The following FBXL2 variants were observed in gnomAD, a reference collection of about 807,000 sequenced individuals.
FBXL2 encodes F-box/LRR-repeat protein 2.
Under a neutral mutation model 69.2 loss-of-function variants are expected in FBXL2, and 38 were observed. The observed-to-expected ratio is 0.55, with a 90% CI of 0.42 to 0.72. The LOEUF is 0.72. Ranked by LOEUF, FBXL2 falls within the 30% of genes least tolerant of loss-of-function variation. The probability of loss-of-function intolerance (pLI) is 0.00; values close to 1 mark genes in which losing one functional copy is unlikely to be tolerated. For synonymous variants in FBXL2, 192 were observed against 201.3 expected (o/e 0.95, Z 0.39); for missense variants, 354 against 520.3 (o/e 0.68, Z 3.11).
At chr3:33,331,478 C>T (rs998475548) in intron 2 of FBXL2, among the ~76,000 whole-genome samples, 22 of 152,110 alleles carry the variant, frequency 1.4e-4, no homozygotes, top group Non-Finnish European at 2.5e-4. Flanking sequence ...TCCCCCTGTT[C>T]TTCTTAAACA....
At chr3:33,338,214 C>G (rs2125846944) in intron 2 of FBXL2, among the ~76,000 whole-genome samples, 1 of 152,206 alleles carries the variant, frequency 6.6e-6, no homozygotes, top group Non-Finnish European at 1.5e-5. Context: ...GAGTTCAAGA[C>G]CAGCCTGGCC....
chr3:33,277,199 T>A (rs1575563845), upstream of FBXL2: 9 of 306,116 alleles, frequency 2.9e-5, no homozygotes, highest in Non-Finnish European at 4.6e-5. Flanking sequence ...AAAAAAAAAA[T>A]CCATGGTCTC....
At chr3:33,379,656 T>C (rs1321389260) in intron 13 of FBXL2, among the ~76,000 whole-genome samples, 1 of 149,156 alleles carries the variant, frequency 6.7e-6, no homozygotes, top group African/African-American at 2.5e-5. Flanking sequence ...AATACCCTGT[T>C]ATCAAAACCA....
chr3:33,311,549 CT>C (rs1404997574), intron 2 of FBXL2, among the ~76,000 whole-genome samples: 2 of 151,898 alleles, frequency 1.3e-5, no homozygotes, highest in Non-Finnish European at 2.9e-5. Flanking sequence ...CTTTATTCTG[CT>C]TGATCAAGTC....
At chr3:33,358,627 C>G (rs141436945) in intron 2 of FBXL2, among the ~76,000 whole-genome samples, 7 of 152,306 alleles carry the variant, frequency 4.6e-5, no homozygotes, top group African/African-American at 1.7e-4. Context: ...TGAGCCTGTT[C>G]AGTGCATCTA....
At chr3:33,320,679 C>T (rs761422724) in intron 2 of FBXL2, among the ~76,000 whole-genome samples, 2 of 151,926 alleles carry the variant, frequency 1.3e-5, no homozygotes, top group Non-Finnish European at 2.9e-5. Context: ...CGGGGTTTCA[C>T]CATGTTGGTC....
intron 2 of FBXL2, among the ~76,000 whole-genome samples, chr3:33,308,689 A>G (rs1160549584): frequency 6.6e-6 from 1 of 152,026 alleles, no homozygotes; most frequent in Non-Finnish European, 1.5e-5. Flanking sequence ...ATTTTTTGAG[A>G]TCTTTCTTCT....
At chr3:33,421,847 G>A in the FBXL2 span, among the ~76,000 whole-genome samples, 62 of 152,036 alleles carry the variant, frequency 4.1e-4, no homozygotes, top group East Asian at 0.011. Context: ...CCAGGAGTTC[G>A]AGCCTGACCA....
chr3:33,316,929 T>G (rs12489049), intron 2 of FBXL2, among the ~76,000 whole-genome samples: 20,118 of 151,904 alleles, frequency 0.13, 1,449 homozygotes, highest in African/African-American at 0.18. Context: ...TGAGACAAGA[T>G]CTCACTCTGT....
intron 12 of FBXL2, chr3:33,401,145 A>T: frequency 1.3e-6 from 1 of 774,738 alleles, no homozygotes; most frequent in East Asian, 3.2e-5. Context: ...GACAGCTATG[A>T]AAGTCTGCAA....
chr3:33,337,075 T>G (rs1340961169), intron 2 of FBXL2, among the ~76,000 whole-genome samples: 2 of 151,602 alleles, frequency 1.3e-5, no homozygotes, highest in Non-Finnish European at 2.9e-5. Context: ...CGTGGCGGCG[T>G]GTGCCTGTAG....
At chr3:33,377,243 T>C in intron 10 of FBXL2, 30 bp from the exon 11 acceptor site, 1 of 1,604,720 alleles carries the variant, frequency 6.2e-7, no homozygotes, top group Non-Finnish European at 8.5e-7. Flanking sequence ...GTTGGTACCG[T>C]TTTCTCCCCT....
chr3:33,369,909 G>C (rs556395045), intron 5 of FBXL2, among the ~76,000 whole-genome samples: 2 of 152,054 alleles, frequency 1.3e-5, no homozygotes, highest in African/African-American at 4.8e-5. Context: ...CACAGTGCCC[G>C]GCCTATTTTT....
At chr3:33,340,895 C>CAAAAAA (rs67092664) in intron 2 of FBXL2, among the ~76,000 whole-genome samples, 16 of 86,522 alleles carry the variant, frequency 1.8e-4, no homozygotes, top group African/African-American at 2.3e-4. Context: ...TTCCTTTGCC[C>CAAAAAA]AAAAAAAAAA....
intron 1 of FBXL2, among the ~76,000 whole-genome samples, chr3:33,296,530 G>A (rs190281944): frequency 8.2e-4 from 125 of 152,200 alleles, no homozygotes; most frequent in Non-Finnish European, 1.4e-3. Context: ...TTAAGTCGCT[G>A]AGCCATTTTG....
intron 2 of FBXL2, among the ~76,000 whole-genome samples, chr3:33,331,419 A>T (rs1415354495): frequency 6.6e-6 from 1 of 152,044 alleles, no homozygotes; most frequent in Non-Finnish European, 1.5e-5. Context: ...GAGCCTGAGG[A>T]ATTGGATATG....
chr3:33,387,032 TTATATA>T lies in FBXL2; in HGVS notation c.*1433_*1438del, dbSNP rs779311945. ...GCTGCATTCTAGGAAGAGAAGCAGA[TTATATA>T]TATATATAATCTCCCCATAAACGGA... On this transcript the variant is annotated 3_prime_UTR_variant, in exon 15 of 15. Transcript: ENST00000484457. 4 of 151,532 alleles carry T rather than the reference TTATATA, an allele frequency of 2.6e-5. No homozygotes were observed. The highest frequency in any genetic ancestry group is 9.7e-5 in the African/African-American group (4 of 41,290). 9.4% of individuals were successfully genotyped at this position (151,532 alleles called of 1,614,324 possible). A position where few individuals can be genotyped will look rare whatever the true frequency, so the allele number is the denominator to read the frequency against.
rs779029621 is a variant in FBXL2 at position 33,373,568 on chromosome 3, G to T, written c.456-10G>T. On this transcript the variant is annotated splice_polypyrimidine_tract_variant and intron_variant, in intron 7 of 14. Transcript: ENST00000484457. ...GACTGCACATAAGTTTTTGTTTCTT[G>T]TTCTCTCAGTGAGGGCTGCCGAAAC... 2 of 1,614,098 alleles carry T rather than the reference G, an allele frequency of 1.2e-6. No individual in the cohort carries two copies. The highest frequency in any genetic ancestry group is 1.1e-5 in the South Asian group (1 of 91,042).
intron 2 of FBXL2, among the ~76,000 whole-genome samples, chr3:33,337,370 G>A (rs1380095760): frequency 6.6e-6 from 1 of 151,988 alleles, no homozygotes; most frequent in African/African-American, 2.4e-5. Flanking sequence ...CCCCAAAATG[G>A]CCAATAATTA....
Sources: allele counts gnomAD v4.1 joint callset (sites outside exome capture counted in the v4.1 genomes callset), GRCh38; gene constraint gnomAD v4.1.1; transcripts MANE v1.5; gene names NCBI Gene and HGNC (gene_info 2026-07-23, HGNC 2026-07-21).